Variants in LYST observed in about 807,000 individuals in gnomAD.
The protein encoded by LYST is lysosomal trafficking regulator.
A neutral mutation model predicts 413.6 loss-of-function variants in LYST; 192 were observed. The observed-to-expected ratio is 0.46, with a 90% CI of 0.41 to 0.52. The LOEUF (loss-of-function observed/expected upper bound fraction) is 0.52. Among genes scored for constraint, LYST ranks in the 20% least tolerant of loss-of-function variants. The pLI, the probability that LYST is intolerant of heterozygous loss-of-function variation, is 0.00. For missense variants in LYST, 3,815 were observed against 4,499.9 expected (o/e 0.85, Z 4.35); for synonymous variants, 1,525 against 1,567.3 (o/e 0.97, Z 0.64).
At chr1:235,737,916 A>AATGAAGAG in intron 31 of LYST, 3 of 1,163,406 alleles carry the variant, frequency 2.6e-6, no homozygotes, top group South Asian at 7.8e-5. Context: ...GCTGCCGACG[A>AATGAAGAG]GTCTGGATCT....
chr1:235,787,502 T>A, intron 13 of LYST, 129 bp from the exon 14 acceptor site: 1 of 796,096 alleles, frequency 1.3e-6, no homozygotes, highest in Non-Finnish European at 2.1e-6. Context: ...TTAAAGTGCT[T>A]GAAAAGTCAG....
In LYST at chr1:235,720,710, C is replaced by T. The variant is rs1212111902; in HGVS notation, c.9511G>A (p.Ala3171Thr). 6.2e-7 allele frequency: 1 copy of T among 1,613,622 alleles called. No individual in the cohort carries two copies. Among genetic ancestry groups the T allele is most frequent in the African/African-American group, 1.3e-5 (1 of 75,008 alleles). Residue 3171 changes from alanine (A) to threonine (T), a missense_variant, in exon 40 of 53, where the codon GCT (alanine) becomes ACT (threonine). Transcript: ENST00000389793. ...MQYPVFPFIL[A>T]DYVSETLDLN... is the part of the protein sequence containing the mutation. ...TCAAGTGTCTCACTAACGTAGTCAG[C>T]AAGTATAAATGGGAACACAGGATAC...
In LYST at chr1:235,806,378, C is replaced by T. The variant is rs1672835542; in HGVS notation, c.2758G>A (p.Ala920Thr). Residue 920 changes from alanine to threonine, a missense_variant, in exon 6 of 53, where the codon GCC becomes ACC. Physicochemically the swap from Ala to Thr is moderately conservative, Grantham distance 58. Transcript: ENST00000389793. ...SKEAESDRES[A>T]NDSEDTSGYD... The stretch of plus-strand genomic sequence containing the variant: ...CCAGAAGTATCTTCTGAGTCATTGG[C>T]CGACTCCCTGTCAGACTCTGCTTCT... 1.2e-6 allele frequency: 2 copies of T among 1,613,932 alleles called. No individual in the cohort carries two copies. Among genetic ancestry groups the T allele is most frequent in the Non-Finnish European group, 1.7e-6 (2 of 1,179,980 alleles).
At chr1:235,723,176 G>A (rs1026643028) in intron 39 of LYST, among the ~76,000 whole-genome samples, 1 of 152,194 alleles carries the variant, frequency 6.6e-6, no homozygotes, top group African/African-American at 2.4e-5. Context: ...CTGAGATAGA[G>A]AAAACTGGAA....
At chr1:235,695,973 A>C (rs975807925) in intron 46 of LYST, among the ~76,000 whole-genome samples, 12 of 152,158 alleles carry the variant, frequency 7.9e-5, no homozygotes, top group African/African-American at 2.9e-4. Flanking sequence ...TAATTCACAC[A>C]TGTTGGTACT....
chr1:235,746,228 C>T (rs924726554), intron 29 of LYST, 108 bp downstream of exon 29: 1 of 911,958 alleles, frequency 1.1e-6, no homozygotes, highest in Non-Finnish European at 1.8e-6. Flanking sequence ...ATGTTAAGAA[C>T]TGAAAAATAA....
chr1:235,755,386 C>T, intron 25 of LYST, 92 bp downstream of exon 25: 1 of 720,814 alleles, frequency 1.4e-6, no homozygotes. Flanking sequence ...GAGACTCCGT[C>T]TCAAAAGAAA....
chr1:235,829,323 A>G (rs548784562), intron 3 of LYST: 1 of 152,350 alleles, frequency 6.6e-6, no homozygotes, highest in East Asian at 1.9e-4. Flanking sequence ...TTTAGTCTCC[A>G]TATTTCCTCA....
intron 44 of LYST, 26 bp downstream of exon 44, chr1:235,709,065 C>T (rs747195191): frequency 6.3e-7 from 1 of 1,588,906 alleles, no homozygotes. Flanking sequence ...TATATAAATA[C>T]AGATTGTTTT....
intron 31 of LYST, chr1:235,736,288 T>C (rs1262173191): frequency 1.3e-5 from 2 of 152,110 alleles, no homozygotes; most frequent in African/African-American, 4.8e-5. Context: ...TGCTAAAATA[T>C]GTAAAATATT....
intron 49 of LYST, 63 bp from the exon 50 acceptor site, chr1:235,677,251 G>GT (rs745463198): frequency 3.3e-5 from 44 of 1,325,890 alleles, no homozygotes; most frequent in Admixed American, 1.4e-4. Flanking sequence ...CTCTTATTTT[G>GT]TAATTCTTCT....
intron 15 of LYST, among the ~76,000 whole-genome samples, chr1:235,781,602 C>T (rs1170903487): frequency 6.6e-6 from 1 of 151,644 alleles, no homozygotes; most frequent in Non-Finnish European, 1.5e-5. Context: ...GCTACATTAT[C>T]CAGTATAAAA....
intron 34 of LYST, among the ~76,000 whole-genome samples, chr1:235,731,684 A>G (rs565041302): frequency 6.7e-6 from 1 of 149,958 alleles, no homozygotes; most frequent in Non-Finnish European, 1.5e-5. Flanking sequence ...TCAGCCTCCC[A>G]AGTAGCTGGG....
chr1:235,733,687 A>G lies in LYST; in HGVS notation c.8617T>C (p.Phe2873Leu), dbSNP rs750794054. 1 of 1,611,988 alleles carries G rather than the reference A, an allele frequency of 6.2e-7. No individual in the cohort carries two copies. The highest frequency in any genetic ancestry group is 8.5e-7 in the Non-Finnish European group (1 of 1,178,156). ...KTVNNNQQSL[F>L]QRLDSKSKDI... ...TTTGATTTTGAATCCAGACGCTGAAAGAGACTAAACAAATAATAAGATTGT... is the reference window on the plus strand; with the variant it reads ...TTTGATTTTGAATCCAGACGCTGAAGGAGACTAAACAAATAATAAGATTGT... The change falls in exon 34 of 53, where the codon TTT (phenylalanine) becomes CTT (leucine). Residue 2873 changes from phenylalanine (F) to leucine (L), a missense_variant. Transcript: ENST00000389793.
At chr1:235,776,246 A>C (rs912142009) in intron 17 of LYST, among the ~76,000 whole-genome samples, 2 of 152,196 alleles carry the variant, frequency 1.3e-5, no homozygotes, top group African/African-American at 2.4e-5. Context: ...CAGATTACAG[A>C]GTATGGTGGA....
At chr1:235,728,534 C>T (rs781096704) in intron 37 of LYST, among the ~76,000 whole-genome samples, 2 of 152,152 alleles carry the variant, frequency 1.3e-5, no homozygotes, top group Non-Finnish European at 2.9e-5. Flanking sequence ...ACCAAATTAT[C>T]TAGCCAAAGG....
intron 3 of LYST, among the ~76,000 whole-genome samples, chr1:235,816,160 G>T (rs1432682704): frequency 1.3e-4 from 6 of 46,010 alleles, no homozygotes; most frequent in Middle Eastern, 0.017. Flanking sequence ...AAAAAAAAAA[G>T]GCTGGGCATG....
chr1:235,821,607 T>G (rs1448671931), intron 3 of LYST, among the ~76,000 whole-genome samples: 3 of 152,250 alleles, frequency 2.0e-5, no homozygotes, highest in Non-Finnish European at 2.9e-5. Flanking sequence ...CTAACAGTTT[T>G]TCTTGAATTA....
At chr1:235,736,940 A>G (rs1664875211) in intron 31 of LYST, 1 of 152,160 alleles carries the variant, frequency 6.6e-6, no homozygotes, top group Non-Finnish European at 1.5e-5. Context: ...GCTGTTTCAC[A>G]ACGTTGCTTT....
Sources: gnomAD v4.1 joint callset for allele counts (sites outside exome capture counted in the v4.1 genomes callset) on GRCh38, gnomAD v4.1.1 for gene constraint, MANE v1.5 for transcripts, NCBI Gene and HGNC (gene_info 2026-07-23, HGNC 2026-07-21) for gene names.